The following NR2F2 variants were observed in gnomAD, a reference collection of about 807,000 sequenced individuals.
NR2F2 encodes COUP transcription factor 2.
In NR2F2, 2 loss-of-function variants were observed where a neutral mutation model predicts 34.8. That is an observed-to-expected ratio of 0.06 (90% CI 0.02 to 0.18). NR2F2 has a LOEUF of 0.18. Ranked by LOEUF, NR2F2 falls within the 10% of genes least tolerant of loss-of-function variation. The pLI is 1.00. For missense variants in NR2F2, 300 were observed against 580.1 expected (o/e 0.52, Z 4.96); for synonymous variants, 274 against 251.8 (o/e 1.09, Z -0.84).
At position 96,334,736 on chromosome 15, in the gene NR2F2, G is replaced by A. The variant is rs76520396; in HGVS notation, c.970+133G>A. 290 of 983,970 alleles carry A rather than the reference G, an allele frequency of 2.9e-4. No homozygotes were observed. The African/African-American group carries it at 4.3e-3, about 15-fold the overall frequency. 61.0% of individuals were successfully genotyped at this position (983,970 alleles called of 1,614,324 possible). Reference sequence around the variant, plus strand: ...AAACTGTTGAGTGCAACTTAAAGTGGGAACTTTTTATAGCTGCTGGGCACT... The same window carrying A: ...AAACTGTTGAGTGCAACTTAAAGTGAGAACTTTTTATAGCTGCTGGGCACT... On this transcript the variant is annotated intron_variant, in intron 2 of 2. Coordinates refer to ENST00000394166, the MANE Select transcript of NR2F2 (RefSeq NM_021005.4).
At position 96,331,379 on chromosome 15, in the gene NR2F2, G is replaced by A; in HGVS notation, c.-727G>A. Reference sequence around the variant, plus strand: ...TCCCCCGGACCCGGGCAGCGCTCCGGCCACTCCGCGGGCCGCCGGCCTCCG... The same window carrying A: ...TCCCCCGGACCCGGGCAGCGCTCCGACCACTCCGCGGGCCGCCGGCCTCCG... On this transcript the variant is annotated 5_prime_UTR_variant, in exon 1 of 3. Coordinates refer to ENST00000394166, the MANE Select transcript of NR2F2 (RefSeq NM_021005.4). 1.6e-6 allele frequency: 2 copies of A among 1,224,158 alleles called. No homozygotes were observed. The highest frequency in any genetic ancestry group is 1.6e-5 in the African/African-American group (1 of 64,102). 75.8% of individuals were successfully genotyped at this position (1,224,158 alleles called of 1,614,324 possible). A position where few individuals can be genotyped will look rare whatever the true frequency, so the allele number is the denominator to read the frequency against.
In NR2F2 at chr15:96,330,825, CGT is replaced by C. The variant is rs996791631; in HGVS notation, c.-1274_-1273del. ...TCCGCGGTGTGTGTGTGCGTGCGCG[CGT>C]GTGTGTTTTCTTCTTCTCCTCCTCC... On this transcript the variant is annotated 5_prime_UTR_variant, in exon 1 of 3. Coordinates refer to ENST00000394166, the MANE Select transcript of NR2F2 (RefSeq NM_021005.4). The C allele has an allele frequency of 5.6e-5, 64 of 1,138,400 alleles. No individual in the cohort carries two copies. The highest frequency in any genetic ancestry group is 6.4e-5 in the Non-Finnish European group (59 of 924,468). 70.5% of individuals were successfully genotyped at this position (1,138,400 alleles called of 1,614,324 possible). A position where few individuals can be genotyped will look rare whatever the true frequency, so the allele number is the denominator to read the frequency against.
Position 96,331,070 on chromosome 15 carries a change from GGCTCCGGCGGCGGCAGCAGCGGCAGCA to G in NR2F2, c.-1033_-1007del, listed in dbSNP as rs1258985082. 3.2e-6 allele frequency: 4 copies of G among 1,236,570 alleles called. No individual in the cohort carries two copies. The highest frequency in any genetic ancestry group is 4.0e-6 in the Non-Finnish European group (4 of 993,306). The allele number at this position is 1,236,570 out of a possible 1,614,324, so 76.6% of individuals were successfully genotyped here. A position where few individuals can be genotyped will look rare whatever the true frequency, so the allele number is the denominator to read the frequency against. On this transcript the variant is annotated 5_prime_UTR_variant, in exon 1 of 3. Coordinates refer to ENST00000394166, the MANE Select transcript of NR2F2 (RefSeq NM_021005.4). ...CGGCGGCGGCAGCAGCAGCAGCAGC[GGCTCCGGCGGCGGCAGCAGCGGCAGCA>G]GCGACTTCAGCGGCGGCGGCGGCGC...
At chr15:96,329,360 C>A (rs1236863251), upstream of NR2F2, among the ~76,000 whole-genome samples, 2 of 152,212 alleles carry the variant, frequency 1.3e-5, no homozygotes, top group Admixed American at 6.5e-5. Flanking sequence ...AAAGACACAA[C>A]TGTCTCAATT....
chr15:96,331,763 T>A lies in NR2F2; in HGVS notation c.-343T>A, dbSNP rs1297111201. On this transcript the variant is annotated 5_prime_UTR_variant, in exon 1 of 3. Coordinates refer to ENST00000394166, the MANE Select transcript of NR2F2 (RefSeq NM_021005.4). ...TTCAGCTCTCCCTCCCCTCCCTCTT[T>A]CTCCACGTTCTGCTCCCACTCGCTC... The A allele has an allele frequency of 4.3e-6, 5 of 1,154,100 alleles. No homozygotes were observed. Among genetic ancestry groups the A allele is most frequent in the Non-Finnish European group, 5.4e-6 (5 of 926,270 alleles). The allele number at this position is 1,154,100 out of a possible 1,614,324, so 71.5% of individuals were successfully genotyped here.
rs916496367 is a variant in NR2F2, at chr15:96,331,770, G to A, written c.-336G>A. 17 of 1,167,536 alleles carry A rather than the reference G, an allele frequency of 1.5e-5. No homozygotes were observed. The African/African-American group carries it at 2.6e-4, about 18-fold the overall frequency. The allele number at this position is 1,167,536 out of a possible 1,614,324, so 72.3% of individuals were successfully genotyped here. ...CTCCCTCCCCTCCCTCTTTCTCCAC[G>A]TTCTGCTCCCACTCGCTCTCCTGTC... On this transcript the variant is annotated 5_prime_UTR_variant, in exon 1 of 3. Transcript: ENST00000394166.
At chr15:96,326,170 TA>T, upstream of NR2F2, 1 of 733,232 alleles carries the variant, frequency 1.4e-6, no homozygotes, top group Non-Finnish European at 2.4e-6. The surrounding 1 kb of genome is among the most constrained non-coding windows in gnomAD (Gnocchi z 5.5). Flanking sequence ...GCCTACTTTT[TA>T]TCAGTTTGCA....
chr15:96,333,343 C>T (rs1167104003), intron 1 of NR2F2: 2 of 1,001,826 alleles, frequency 2.0e-6, no homozygotes, highest in Non-Finnish European at 2.4e-6. Context: ...CTCTCCCGGT[C>T]CGGAGTCAGA....
At position 96,334,100 on chromosome 15, in the gene NR2F2, C is replaced by T; in HGVS notation, c.467C>T (p.Pro156Leu). The change falls in exon 2 of 3, where the codon CCG becomes CTG. Residue 156 changes from proline to leucine, a missense_variant. Physicochemically the swap from Pro to Leu is moderately conservative, Grantham distance 98. Around this residue, in one of 6 missense-constraint regions of NR2F2, gnomAD observed 164 missense variants for 365.3 expected, o/e 0.45. Coordinates refer to ENST00000394166, the MANE Select transcript of NR2F2 (RefSeq NM_021005.4). ...GCGGTGCAGAGGGGCAGGATGCCGCCGACCCAGCCGACCCACGGGCAGTTC... is the reference window on the plus strand; with the variant it reads ...GCGGTGCAGAGGGGCAGGATGCCGCTGACCCAGCCGACCCACGGGCAGTTC... Reference protein sequence around the residue: ...REAVQRGRMPPTQPTHGQFAL... With the variant: ...REAVQRGRMPLTQPTHGQFAL... The T allele has an allele frequency of 6.2e-7, 1 of 1,613,150 alleles. No homozygotes were observed. The highest frequency in any genetic ancestry group is 1.1e-5 in the South Asian group (1 of 91,074).
intron 2 of NR2F2, among the ~76,000 whole-genome samples, chr15:96,336,541 G>A (rs1388295949): frequency 1.3e-5 from 2 of 152,056 alleles, no homozygotes; most frequent in Non-Finnish European, 2.9e-5. Context: ...AACCTGAACC[G>A]CCTTTACCAA....
intron 2 of NR2F2, among the ~76,000 whole-genome samples, chr15:96,337,145 T>C (rs1899350083): frequency 6.6e-6 from 1 of 152,080 alleles, no homozygotes; most frequent in Admixed American, 6.6e-5. Context: ...TCTTGCTCTT[T>C]CTTCCCCCAC....
At chr15:96,328,524 T>C (rs980170463), upstream of NR2F2, among the ~76,000 whole-genome samples, 1 of 152,244 alleles carries the variant, frequency 6.6e-6, no homozygotes, top group Non-Finnish European at 1.5e-5. Flanking sequence ...TTGTCCCGAA[T>C]CTGCTGACAT....
At position 96,330,847 on chromosome 15, in the gene NR2F2, T is replaced by G; in HGVS notation, c.-1259T>G. Reference sequence around the variant, plus strand: ...GCGCGTGTGTGTTTTCTTCTTCTCCTCCTCCTCTCCCCGAGTTGCCTCCTT... The same window carrying G: ...GCGCGTGTGTGTTTTCTTCTTCTCCGCCTCCTCTCCCCGAGTTGCCTCCTT... On this transcript the variant is annotated 5_prime_UTR_variant, in exon 1 of 3. Transcript: ENST00000394166. 8.7e-7 allele frequency: 1 copy of G among 1,155,878 alleles called. No individual in the cohort carries two copies. Among genetic ancestry groups the G allele is most frequent in the Non-Finnish European group, 1.1e-6 (1 of 938,582 alleles). The allele number at this position is 1,155,878 out of a possible 1,614,324, so 71.6% of individuals were successfully genotyped here.
rs34678417 is a variant in NR2F2 at position 96,337,775 on chromosome 15, C to CA, written c.*168dup. On this transcript the variant is annotated 3_prime_UTR_variant, in exon 3 of 3. Transcript: ENST00000394166. ...GAAGAATTTAATGGACTGTGAATTT[C>CA]AAAAAAAAAAAAAAAGACTGTCAAA... 13,840 of 201,906 alleles carry CA rather than the reference C, an allele frequency of 0.069. 406 individuals carry two copies. Among genetic ancestry groups the CA allele is most frequent in the South Asian group, 0.2 (987 of 5,004 alleles). 12.5% of individuals were successfully genotyped at this position (201,906 alleles called of 1,614,324 possible). A position where few individuals can be genotyped will look rare whatever the true frequency, so the allele number is the denominator to read the frequency against.
intron 2 of NR2F2, among the ~76,000 whole-genome samples, chr15:96,335,150 G>A (rs1303301218): frequency 6.6e-6 from 1 of 152,254 alleles, no homozygotes; most frequent in Non-Finnish European, 1.5e-5. Flanking sequence ...AGACTGCCAG[G>A]AGAGGCGAAA....
At position 96,339,319 on chromosome 15, in the gene NR2F2, C is replaced by T. The variant is rs1016601746; in HGVS notation, c.*1697C>T. 6.6e-6 allele frequency: 1 copy of T among 152,064 alleles called. No individual in the cohort carries two copies. The highest frequency in any genetic ancestry group is 1.5e-5 in the Non-Finnish European group (1 of 68,014). The allele number at this position is 152,064 out of a possible 1,614,324, so 9.4% of individuals were successfully genotyped here. On this transcript the variant is annotated 3_prime_UTR_variant, in exon 3 of 3. Transcript: ENST00000394166. The stretch of plus-strand genomic sequence containing the variant: ...CAGTGAGTTTTTCCTTAAGTAGGTA[C>T]GATTTTTTAAAATATTCTGTGATTC...
In NR2F2 at chr15:96,339,616, T is replaced by C. The variant is rs1249560852; in HGVS notation, c.*1994T>C. 1 of 152,030 alleles carries C rather than the reference T, an allele frequency of 6.6e-6. No individual in the cohort carries two copies. Among genetic ancestry groups the C allele is most frequent in the Non-Finnish European group, 1.5e-5 (1 of 68,032 alleles). 9.4% of individuals were successfully genotyped at this position (152,030 alleles called of 1,614,324 possible). A position where few individuals can be genotyped will look rare whatever the true frequency, so the allele number is the denominator to read the frequency against. On this transcript the variant is annotated 3_prime_UTR_variant, in exon 3 of 3. Transcript: ENST00000394166. Reference sequence around the variant, plus strand: ...GGATCCTTTGTCCTTAGAAGCCAAATTAAGGAAGAGAAAGCAGGACAGAGA... The same window carrying C: ...GGATCCTTTGTCCTTAGAAGCCAAACTAAGGAAGAGAAAGCAGGACAGAGA...
chr15:96,337,197 T>C, intron 2 of NR2F2, 151 bp from the exon 3 acceptor site: 1 of 767,106 alleles, frequency 1.3e-6, no homozygotes, highest in Non-Finnish European at 2.0e-6. Flanking sequence ...AGACATTTGC[T>C]CCAACTCCGG....
At position 96,330,750 on chromosome 15, in the gene NR2F2, C is replaced by A; in HGVS notation, c.-1356C>A. 2 of 693,240 alleles carry A rather than the reference C, an allele frequency of 2.9e-6. No individual in the cohort carries two copies. The highest frequency in any genetic ancestry group is 3.7e-6 in the Non-Finnish European group (2 of 545,538). 42.9% of individuals were successfully genotyped at this position (693,240 alleles called of 1,614,324 possible). On this transcript the variant is annotated 5_prime_UTR_variant, in exon 1 of 3. Transcript: ENST00000394166. ...CGCCTATAAATCGCATTCCCTCCCG[C>A]GCCCCCCTTTTTAGCATATTTGATC...
Sources: gnomAD v4.1 joint callset for allele counts (sites outside exome capture counted in the v4.1 genomes callset) on GRCh38, gnomAD v4.1.1 for gene constraint, gnomAD v4.1.1 regional missense constraint, Gnocchi (gnomAD v3.1) non-coding constraint, MANE v1.5 for transcripts, NCBI Gene and HGNC (gene_info 2026-07-23, HGNC 2026-07-21) for gene names.